The following PPP2R5E variants were observed in gnomAD, a reference collection of about 807,000 sequenced individuals.
The protein encoded by PPP2R5E is serine/threonine-protein phosphatase 2A 56 kDa regulatory subunit epsilon isoform.
In PPP2R5E, 4 loss-of-function variants were observed where a neutral mutation model predicts 65.3. The observed-to-expected ratio is 0.06, with a 90% CI of 0.03 to 0.14. The LOEUF (loss-of-function observed/expected upper bound fraction) is 0.14, where lower values mean the gene tolerates loss of function less well. Among genes scored for constraint, PPP2R5E ranks in the 10% least tolerant of loss-of-function variants. The pLI, the probability that PPP2R5E is intolerant of heterozygous loss-of-function variation, is 1.00. For missense variants in PPP2R5E, 274 were observed against 556.1 expected (o/e 0.49, Z 5.10); for synonymous variants, 183 against 187.4 (o/e 0.98, Z 0.19).
chr14:63,471,167 G>GT (rs1678783900), intron 2 of PPP2R5E, among the ~76,000 whole-genome samples: 1 of 152,202 alleles, frequency 6.6e-6, no homozygotes, highest in African/African-American at 2.4e-5. Context: ...ATAAAAATGC[G>GT]TAAGTTTCAA....
intron 2 of PPP2R5E, among the ~76,000 whole-genome samples, chr14:63,535,660 T>C (rs1893648234): frequency 6.6e-6 from 1 of 152,180 alleles, no homozygotes; most frequent in South Asian, 2.1e-4. Flanking sequence ...GTTTGTATAA[T>C]TATCGTATTC....
At chr14:63,444,737 A>G (rs1362691747) in intron 3 of PPP2R5E, among the ~76,000 whole-genome samples, 1 of 152,240 alleles carries the variant, frequency 6.6e-6, no homozygotes, top group Non-Finnish European at 1.5e-5. Context: ...ATACATAACA[A>G]CAAAACCAAA....
At chr14:63,478,863 CT>C (rs1313366710) in intron 2 of PPP2R5E, among the ~76,000 whole-genome samples, 1 of 152,160 alleles carries the variant, frequency 6.6e-6, no homozygotes, top group Non-Finnish European at 1.5e-5. Flanking sequence ...TGGCTCATGC[CT>C]GTAATCCCAG....
intron 2 of PPP2R5E, among the ~76,000 whole-genome samples, chr14:63,538,231 G>C (rs78713534): frequency 2.0e-5 from 3 of 151,440 alleles, no homozygotes; most frequent in African/African-American, 7.3e-5. Context: ...CTAGGAAATA[G>C]AGGCCACAGT....
At chr14:63,504,951 T>A (rs969260192) in intron 2 of PPP2R5E, among the ~76,000 whole-genome samples, 1 of 152,208 alleles carries the variant, frequency 6.6e-6, no homozygotes, top group Non-Finnish European at 1.5e-5. Flanking sequence ...AAGATGGGGA[T>A]CATTAAGGAC....
chr14:63,540,265 T>TA (rs1383280375), intron 1 of PPP2R5E, among the ~76,000 whole-genome samples: 2 of 151,536 alleles, frequency 1.3e-5, no homozygotes, highest in Non-Finnish European at 2.9e-5. Flanking sequence ...ACCCTGTGTC[T>TA]ACTAAAAATA....
At chr14:63,468,068 T>C (rs1889926721) in intron 2 of PPP2R5E, among the ~76,000 whole-genome samples, 1 of 152,212 alleles carries the variant, frequency 6.6e-6, no homozygotes, top group Non-Finnish European at 1.5e-5. Flanking sequence ...CTGGGACACA[T>C]TTGGTGCTCA....
chr14:63,471,529 G>A (rs1409595885), intron 2 of PPP2R5E, among the ~76,000 whole-genome samples: 1 of 152,134 alleles, frequency 6.6e-6, no homozygotes, highest in Non-Finnish European at 1.5e-5. Flanking sequence ...CATAATAATA[G>A]TAAAAACTTA....
intron 2 of PPP2R5E, among the ~76,000 whole-genome samples, chr14:63,470,150 T>A (rs1280974605): frequency 6.6e-6 from 1 of 152,046 alleles, no homozygotes; most frequent in African/African-American, 2.4e-5. Flanking sequence ...CAGCACACTG[T>A]AGCCTCGACC....
chr14:63,414,405 C>T lies in PPP2R5E; in HGVS notation c.549+735G>A, dbSNP rs142483516. On this transcript the variant is annotated intron_variant, in intron 5 of 13. Transcript: ENST00000337537. ...GGAGATAAACATTTATTCTTTCCTA[C>T]ATTAGATGCCCCACATGTCACTCAG... Among the ~76,000 whole-genome samples the T allele has an allele frequency of 2.9e-3, 436 of 152,282 alleles. 2 individuals are homozygous for T. The highest frequency in any genetic ancestry group is 8.6e-3 in the African/African-American group (358 of 41,544).
intron 2 of PPP2R5E, among the ~76,000 whole-genome samples, chr14:63,519,116 G>A (rs1255757): frequency 0.35 from 52,867 of 151,690 alleles, 11,510 homozygotes; most frequent in African/African-American, 0.63. Flanking sequence ...TGGGAGGGTG[G>A]GGCAGGAGAA....
chr14:63,459,345 T>G (rs986860282), intron 2 of PPP2R5E, among the ~76,000 whole-genome samples: 1 of 152,178 alleles, frequency 6.6e-6, no homozygotes, highest in Non-Finnish European at 1.5e-5. Flanking sequence ...TAATCCTATT[T>G]TATTAGTAGA....
At chr14:63,523,177 T>A (rs1432998188) in intron 2 of PPP2R5E, among the ~76,000 whole-genome samples, 3 of 150,530 alleles carry the variant, frequency 2.0e-5, no homozygotes, top group Non-Finnish European at 4.4e-5. Context: ...GAGGAGCCCC[T>A]CTGCCCGGCC....
At chr14:63,477,210 T>C (rs10129170) in intron 2 of PPP2R5E, among the ~76,000 whole-genome samples, 53,740 of 151,968 alleles carry the variant, frequency 0.35, 13,064 homozygotes, top group African/African-American at 0.69. Flanking sequence ...ACACCTACTA[T>C]ACATCTGCCT....
chr14:63,465,980 T>C (rs894081785), intron 2 of PPP2R5E, among the ~76,000 whole-genome samples: 5 of 152,150 alleles, frequency 3.3e-5, no homozygotes, highest in South Asian at 2.1e-4. Flanking sequence ...TCAGCAAGCA[T>C]GTAACATTCA....
intron 2 of PPP2R5E, among the ~76,000 whole-genome samples, chr14:63,466,730 G>A (rs1889819872): frequency 1.3e-5 from 2 of 152,052 alleles, no homozygotes; most frequent in South Asian, 2.1e-4. Context: ...AATAAAGACG[G>A]AGAAACTTAC....
chr14:63,487,184 C>T (rs532513376), intron 2 of PPP2R5E, among the ~76,000 whole-genome samples: 2 of 152,264 alleles, frequency 1.3e-5, no homozygotes, highest in South Asian at 4.1e-4. Context: ...AGAAAAGTAA[C>T]ACAAAACCAG....
chr14:63,443,495 C>T (rs1888338017), intron 3 of PPP2R5E, among the ~76,000 whole-genome samples: 1 of 152,102 alleles, frequency 6.6e-6, no homozygotes, highest in African/African-American at 2.4e-5. Flanking sequence ...TTATCTACAG[C>T]CGTCATCTCA....
At chr14:63,507,047 G>A (rs541617351) in intron 2 of PPP2R5E, among the ~76,000 whole-genome samples, 3 of 152,194 alleles carry the variant, frequency 2.0e-5, no homozygotes, top group Non-Finnish European at 4.4e-5. Flanking sequence ...CTCCCAAAGT[G>A]CTGAGGTTAC....
Sources: allele counts gnomAD v4.1 joint callset (sites outside exome capture counted in the v4.1 genomes callset), GRCh38; gene constraint gnomAD v4.1.1; transcripts MANE v1.5; gene names NCBI Gene and HGNC (gene_info 2026-07-23, HGNC 2026-07-21).